Variants in JAK1 observed in about 807,000 individuals in gnomAD.
The protein encoded by JAK1 is Janus kinase 1.
A neutral mutation model predicts 136.6 loss-of-function variants in JAK1; 16 were observed. The ratio of observed to expected loss-of-function variants is 0.12; its 90% confidence interval spans 0.08 to 0.18. JAK1 has a LOEUF of 0.18. Ranked by LOEUF, JAK1 falls within the 10% of genes least tolerant of loss-of-function variation. The pLI, the probability that JAK1 is intolerant of heterozygous loss-of-function variation, is 1.00. For missense variants in JAK1, 859 were observed against 1,450.1 expected (o/e 0.59, Z 6.62); for synonymous variants, 492 against 519.5 (o/e 0.95, Z 0.72).
intron 1 of JAK1, among the ~76,000 whole-genome samples, chr1:64,906,349 A>G (rs1645190476): frequency 6.6e-6 from 1 of 151,896 alleles, no homozygotes; most frequent in African/African-American, 2.4e-5. Context: ...TCTACTTGGA[A>G]GTTAACAGGC....
chr1:64,859,978 G>A, intron 9 of JAK1, 127 bp downstream of exon 9: 2 of 735,812 alleles, frequency 2.7e-6, no homozygotes, highest in South Asian at 3.4e-5. Context: ...AGGGAGGAAA[G>A]GAGGACAGCC....
At chr1:65,063,743 T>G (rs1423874704) in intron 1 of JAK1, among the ~76,000 whole-genome samples, 3 of 146,244 alleles carry the variant, frequency 2.1e-5, no homozygotes, top group Non-Finnish European at 4.5e-5. Flanking sequence ...AGGTGGAGGT[T>G]GCAGTGAGCC....
At chr1:64,898,304 G>C (rs1053658129) in intron 1 of JAK1, among the ~76,000 whole-genome samples, 109 of 152,266 alleles carry the variant, frequency 7.2e-4, no homozygotes, top group African/African-American at 2.2e-3. Context: ...GGCTGCCCTT[G>C]GGAGTCACTC....
At position 64,987,059 on chromosome 1, in the gene JAK1, C is replaced by T. The variant is rs559601298; in HGVS notation, c.-78+57421G>A. Reference sequence around the variant, plus strand: ...TTGCTGAAGCAGCCATTGCCACAGTCAGGTGCACAAGGTCTAGCACAATTT... The same window carrying T: ...TTGCTGAAGCAGCCATTGCCACAGTTAGGTGCACAAGGTCTAGCACAATTT... On this transcript the variant is annotated intron_variant, in intron 2 of 25. Transcript: ENST00000671954. Among the ~76,000 whole-genome samples the T allele has an allele frequency of 2.0e-4, 31 of 152,324 alleles. 1 individual carries two copies. Among genetic ancestry groups the T allele is most frequent in the African/African-American group, 7.5e-4 (31 of 41,586 alleles).
At chr1:64,953,495 T>C (rs1646127926) in intron 1 of JAK1, among the ~76,000 whole-genome samples, 1 of 152,138 alleles carries the variant, frequency 6.6e-6, no homozygotes, top group East Asian at 1.9e-4. Flanking sequence ...GGACGTGTTA[T>C]ATAACAGTCA....
At chr1:64,958,544 C>T (rs1347938357) in intron 1 of JAK1, among the ~76,000 whole-genome samples, 2 of 152,154 alleles carry the variant, frequency 1.3e-5, no homozygotes, top group African/African-American at 4.8e-5. Flanking sequence ...GGCAAAAAGC[C>T]ATTGTACTTC....
At chr1:64,878,603 A>ATATATATATC (rs1557658058) in intron 4 of JAK1, among the ~76,000 whole-genome samples, 1 of 110,150 alleles carries the variant, frequency 9.1e-6, no homozygotes, top group Non-Finnish European at 1.9e-5. Flanking sequence ...ATATATATAT[A>ATATATATATC]TATCTCAAAA....
intron 1 of JAK1, among the ~76,000 whole-genome samples, chr1:64,894,775 T>C (rs1467201447): frequency 6.6e-6 from 1 of 151,556 alleles, no homozygotes; most frequent in Admixed American, 6.6e-5. Flanking sequence ...AGACTACGTC[T>C]CAAAAAACAA....
intron 1 of JAK1, among the ~76,000 whole-genome samples, chr1:64,935,574 TA>T (rs1264320942): frequency 6.6e-6 from 1 of 152,220 alleles, no homozygotes; most frequent in Non-Finnish European, 1.5e-5. Context: ...GTGCTGAGAT[TA>T]CAGGCGTGAG....
At chr1:64,911,401 T>C (rs1645283413) in intron 1 of JAK1, among the ~76,000 whole-genome samples, 1 of 152,198 alleles carries the variant, frequency 6.6e-6, no homozygotes, top group South Asian at 2.1e-4. Flanking sequence ...AGACATATGG[T>C]CACTCTCTGT....
upstream of JAK1, among the ~76,000 whole-genome samples, chr1:64,968,290 C>T (rs1200203766): frequency 6.6e-6 from 1 of 150,736 alleles, no homozygotes; most frequent in Non-Finnish European, 1.5e-5. Context: ...GATGAAGATT[C>T]AGAGAAAAAA....
rs116773111 is a variant in JAK1, at chr1:64,881,067, G to A, written c.206-1919C>T. The stretch of plus-strand genomic sequence containing the variant: ...GAGGATCACTTGAGGTCAAGAGTTC[G>A]ACACCAGCCTGGGCAACATATCAAG... On this transcript the variant is annotated intron_variant, in intron 3 of 24. Coordinates refer to ENST00000342505, the MANE Select transcript of JAK1 (RefSeq NM_002227.4). 9.9e-3 allele frequency among the ~76,000 whole-genome samples: 1,508 copies of A among 151,844 alleles called. 30 individuals carry two copies. Among genetic ancestry groups the A allele is most frequent in the African/African-American group, 0.035 (1,442 of 41,392 alleles).
At chr1:65,035,441 T>C (rs1485618449) in intron 2 of JAK1, among the ~76,000 whole-genome samples, 2 of 152,198 alleles carry the variant, frequency 1.3e-5, no homozygotes, top group Non-Finnish European at 2.9e-5. Flanking sequence ...GGAAAAGGTA[T>C]GAACTTGGAG....
In JAK1 at chr1:64,838,078, T is replaced by C. The variant is rs1557618586; in HGVS notation, c.2994A>G (p.Gln998=). The change falls in exon 22 of 25, where the codon CAA becomes CAG. Residue 998 remains glutamine, a synonymous_variant. Transcript: ENST00000342505. ...TTGCTGCCAAGTCCCGGTGAACGTA[T>C]TGCCGAGAACCCAAATAGTCCATCC... is the stretch of plus-strand genomic sequence containing the variant. ...CKGMDYLGSR[Q]YVHRDLAARN... 13 of 1,614,194 alleles carry C rather than the reference T, an allele frequency of 8.1e-6. No homozygotes were observed. Among genetic ancestry groups the C allele is most frequent in the African/African-American group, 1.3e-5 (1 of 75,064 alleles).
chr1:65,038,198 C>CTTT (rs113538392), intron 2 of JAK1, among the ~76,000 whole-genome samples: 113 of 133,272 alleles, frequency 8.5e-4, no homozygotes, highest in Middle Eastern at 4.1e-3. Flanking sequence ...TTTTTCTTTT[C>CTTT]TTTTTTTTTT....
At chr1:64,934,048 CTAGAAGCACAAAGCAGAAGGAAAGA>C (rs2100467774) in intron 1 of JAK1, among the ~76,000 whole-genome samples, 1 of 152,294 alleles carries the variant, frequency 6.6e-6, no homozygotes, top group East Asian at 1.9e-4. Context: ...CCCAGAACCA[CTAGAAGCACAAAGCAGAAGGAAAGA>C]TAAGTGCTGA....
At chr1:64,860,556 C>T (rs1236019206) in intron 8 of JAK1, among the ~76,000 whole-genome samples, 2 of 151,774 alleles carry the variant, frequency 1.3e-5, no homozygotes, top group South Asian at 2.1e-4. Context: ...TGGGTCCAAG[C>T]GATTCTTCTG....
chr1:64,962,468 T>C (rs1374941830), intron 1 of JAK1, among the ~76,000 whole-genome samples: 1 of 152,174 alleles, frequency 6.6e-6, no homozygotes, highest in Non-Finnish European at 1.5e-5. Flanking sequence ...CAAAGAATCA[T>C]GGATCATAAA....
intron 1 of JAK1, among the ~76,000 whole-genome samples, chr1:65,045,384 GAA>G (rs1647175255): frequency 6.6e-6 from 1 of 152,190 alleles, no homozygotes; most frequent in Non-Finnish European, 1.5e-5. Flanking sequence ...ACAGACAGGA[GAA>G]GAGAGACTAT....
Sources: gnomAD v4.1 joint callset for allele counts (sites outside exome capture counted in the v4.1 genomes callset) on GRCh38, gnomAD v4.1.1 for gene constraint, MANE v1.5 for transcripts, NCBI Gene and HGNC (gene_info 2026-07-23, HGNC 2026-07-21) for gene names.